LARGE1: variants seen among roughly 807,000 people sequenced by gnomAD.
The protein encoded by LARGE1 is LARGE xylosyl- and glucuronyltransferase 1, also known as xylosyl- and glucuronyltransferase LARGE1.
In LARGE1, 43 loss-of-function variants were observed where a neutral mutation model predicts 87.6. The ratio of observed to expected loss-of-function variants is 0.49; its 90% confidence interval spans 0.38 to 0.63. The LOEUF is 0.63. LARGE1 is among the 30% of genes least tolerant of loss of function. LARGE1 has a pLI of 0.00. For synonymous variants in LARGE1, 434 were observed against 394.6 expected (o/e 1.10, Z -1.18); for missense variants, 802 against 1,000.2 (o/e 0.80, Z 2.67).
the LARGE1 span, among the ~76,000 whole-genome samples, chr22:33,152,545 A>T: frequency 2.6e-5 from 4 of 152,002 alleles, no homozygotes; most frequent in African/African-American, 9.7e-5. Flanking sequence ...TGAGTATAAC[A>T]TTTTTTGGAT....
chr22:33,168,272 A>G (rs1313468066), intron 11 of LARGE1, among the ~76,000 whole-genome samples: 1 of 152,210 alleles, frequency 6.6e-6, no homozygotes, highest in Non-Finnish European at 1.5e-5. Context: ...CGTGGATAGG[A>G]TTATAGACTA....
chr22:33,499,544 G>A (rs1275025217), intron 6 of LARGE1, among the ~76,000 whole-genome samples: 4 of 152,176 alleles, frequency 2.6e-5, no homozygotes, highest in African/African-American at 4.8e-5. Context: ...GCCAGCCCGA[G>A]GACACGGATG....
chr22:33,850,801 G>A (rs928055840), intron 1 of LARGE1, among the ~76,000 whole-genome samples: 2 of 152,052 alleles, frequency 1.3e-5, no homozygotes, highest in African/African-American at 4.8e-5. Flanking sequence ...TCTGATGGAG[G>A]AAGAGTTTTG....
Position 33,595,335 on chromosome 22 carries a change from G to A in LARGE1, c.615+9100C>T, listed in dbSNP as rs191609949. Among the ~76,000 whole-genome samples the A allele has an allele frequency of 5.3e-5, 8 of 152,180 alleles. No individual in the cohort carries two copies. In the East Asian group the frequency reaches 1.6e-3, roughly 30 times the overall value. On this transcript the variant is annotated intron_variant, in intron 5 of 14. Coordinates refer to ENST00000397394, the MANE Select transcript of LARGE1 (RefSeq NM_133642.5). ...CTCAGGATGAGAAAAAAGGTGAGTT[G>A]GGACACTTCACTGCTTTTAAATGAG... is the stretch of plus-strand genomic sequence containing the variant.
intron 1 of LARGE1, among the ~76,000 whole-genome samples, chr22:33,761,942 C>T (rs1030593168): frequency 1.3e-5 from 2 of 151,992 alleles, no homozygotes; most frequent in African/African-American, 4.8e-5. Flanking sequence ...ATAGGCTGGG[C>T]GCAGTGGCTC....
rs767391930 is a variant in LARGE1 at position 33,349,242 on chromosome 22, T to C, written c.1132-11441A>G. On this transcript the variant is annotated intron_variant, in intron 9 of 14. Coordinates refer to ENST00000397394, the MANE Select transcript of LARGE1 (RefSeq NM_133642.5). ...GGGAATCCAGCTTGTAGATGGCAGA[T>C]GGTGGGCCTTCTCTGCCTCCATAAC... Among the ~76,000 whole-genome samples, 5 of 152,328 alleles carry C rather than the reference T, an allele frequency of 3.3e-5. 1 individual carries two copies. In the South Asian group the frequency reaches 8.3e-4, roughly 25 times the overall value.
At chr22:33,435,613 A>G (rs1176028945) in intron 6 of LARGE1, among the ~76,000 whole-genome samples, 1 of 152,154 alleles carries the variant, frequency 6.6e-6, no homozygotes, top group Non-Finnish European at 1.5e-5. Flanking sequence ...GCTCCCCTGT[A>G]TGGAAAACTG....
rs768549816 is a variant in LARGE1 at position 33,382,736 on chromosome 22, T to C, written c.1006-692A>G. Among the ~76,000 whole-genome samples the C allele has an allele frequency of 1.4e-4, 22 of 152,256 alleles. No homozygotes were observed. The East Asian group carries it at 4.3e-3, about 29-fold the overall frequency. ...GCCTTCGTGGCAGAAGATGGCTGAA[T>C]AAACTATCCTTACTGGACATGGGCA... On this transcript the variant is annotated intron_variant, in intron 8 of 14. Transcript: ENST00000397394.
At chr22:33,831,604 G>A (rs1374174183) in intron 1 of LARGE1, among the ~76,000 whole-genome samples, 3 of 152,100 alleles carry the variant, frequency 2.0e-5, no homozygotes, top group Non-Finnish European at 2.9e-5. Context: ...CAAAACCAGC[G>A]ATTGGATTGG....
At chr22:33,562,840 T>C (rs1164889327) in intron 6 of LARGE1, 7 of 152,598 alleles carry the variant, frequency 4.6e-5, no homozygotes, top group Non-Finnish European at 1.0e-4. Flanking sequence ...GTTATACTTA[T>C]CCAACGGAGA....
chr22:33,473,036 T>C (rs147082746), intron 6 of LARGE1, among the ~76,000 whole-genome samples: 1 of 152,340 alleles, frequency 6.6e-6, no homozygotes, highest in African/African-American at 2.4e-5. Flanking sequence ...GTTTCCTGAA[T>C]GTAGAACTTT....
At chr22:33,502,912 G>C (rs564108166) in intron 6 of LARGE1, among the ~76,000 whole-genome samples, 1 of 152,096 alleles carries the variant, frequency 6.6e-6, no homozygotes, top group Non-Finnish European at 1.5e-5. Context: ...TCTAGGCCTC[G>C]TACCAGGCTT....
intron 11 of LARGE1, among the ~76,000 whole-genome samples, chr22:33,265,383 G>A (rs1927876902): frequency 2.0e-5 from 3 of 152,172 alleles, no homozygotes; most frequent in Admixed American, 2.0e-4. Flanking sequence ...TATCCTTGCT[G>A]TATTCAGAGC....
chr22:33,434,326 T>C (rs2067187293), intron 6 of LARGE1, among the ~76,000 whole-genome samples: 4 of 152,126 alleles, frequency 2.6e-5, no homozygotes, highest in Admixed American at 1.3e-4. Context: ...TTTTGAGACG[T>C]AGTCTCGCTC....
intron 6 of LARGE1, among the ~76,000 whole-genome samples, chr22:33,519,759 T>C (rs1036065771): frequency 6.6e-6 from 1 of 152,118 alleles, no homozygotes; most frequent in African/African-American, 2.4e-5. Context: ...AAGAAAACAA[T>C]TCATTCTTTG....
chr22:33,378,909 G>A (rs1409400001), intron 9 of LARGE1, among the ~76,000 whole-genome samples: 1 of 152,066 alleles, frequency 6.6e-6, no homozygotes, highest in Non-Finnish European at 1.5e-5. Context: ...CTGAAACTCT[G>A]GGAAACACAT....
chr22:33,413,758 C>A (rs1192703829), intron 7 of LARGE1, among the ~76,000 whole-genome samples: 1 of 152,024 alleles, frequency 6.6e-6, no homozygotes, highest in Non-Finnish European at 1.5e-5. Flanking sequence ...ACCCACCGCA[C>A]CCGGCCTACT....
intron 2 of LARGE1, among the ~76,000 whole-genome samples, chr22:33,723,372 A>T (rs1267512318): frequency 6.6e-6 from 1 of 152,168 alleles, no homozygotes; most frequent in South Asian, 2.1e-4. Flanking sequence ...CTTTCTCCCA[A>T]GAAACAGCTC....
At chr22:33,278,857 C>G (rs1203723042) in intron 13 of LARGE1, among the ~76,000 whole-genome samples, 1 of 152,114 alleles carries the variant, frequency 6.6e-6, no homozygotes, top group African/African-American at 2.4e-5. Flanking sequence ...GTGGCTAGGA[C>G]TACAGGCACG....
Sources: allele counts gnomAD v4.1 joint callset (sites outside exome capture counted in the v4.1 genomes callset), GRCh38; gene constraint gnomAD v4.1.1; transcripts MANE v1.5; gene names NCBI Gene and HGNC (gene_info 2026-07-23, HGNC 2026-07-21).